Variants in CTNNA3 observed in about 807,000 individuals in gnomAD.
The protein encoded by CTNNA3 is catenin alpha-3.
In CTNNA3, 76 loss-of-function variants were observed where a neutral mutation model predicts 95.7. The observed-to-expected ratio is 0.79, with a 90% CI of 0.66 to 0.96. The LOEUF (loss-of-function observed/expected upper bound fraction) is 0.96. CTNNA3 is among the 40% of genes least tolerant of loss of function. The pLI is 0.00. For synonymous variants in CTNNA3, 431 were observed against 374.4 expected (o/e 1.15, Z -1.74); for missense variants, 1,191 against 1,089.8 (o/e 1.09, Z -1.31).
At chr10:66,951,757 T>A (rs1418890867) in intron 7 of CTNNA3, among the ~76,000 whole-genome samples, 2 of 152,166 alleles carry the variant, frequency 1.3e-5, no homozygotes, top group Admixed American at 6.6e-5. Context: ...TATTTTAGCA[T>A]GTGAAACATT....
intron 7 of CTNNA3, among the ~76,000 whole-genome samples, chr10:66,810,558 T>C (rs1395714533): frequency 6.6e-6 from 1 of 152,180 alleles, no homozygotes; most frequent in Non-Finnish European, 1.5e-5. Context: ...ACAGATTTCT[T>C]ATTGGGTTTG....
chr10:66,871,437 C>T (rs1214966151), intron 7 of CTNNA3, among the ~76,000 whole-genome samples: 1 of 151,820 alleles, frequency 6.6e-6, no homozygotes, highest in Non-Finnish European at 1.5e-5. Flanking sequence ...TGGTGGGTGC[C>T]TGTAATCCCA....
At chr10:67,526,206 A>C (rs571434053) in intron 4 of CTNNA3, among the ~76,000 whole-genome samples, 59 of 152,376 alleles carry the variant, frequency 3.9e-4, no homozygotes, top group Middle Eastern at 6.8e-3. Flanking sequence ...AGTATTACAG[A>C]GAAAGAAATT....
At chr10:67,182,948 T>C (rs999150800) in intron 6 of CTNNA3, among the ~76,000 whole-genome samples, 5 of 152,198 alleles carry the variant, frequency 3.3e-5, no homozygotes, top group African/African-American at 1.2e-4. Flanking sequence ...ATGCTCATCA[T>C]CACTGGCCAT....
intron 7 of CTNNA3, among the ~76,000 whole-genome samples, chr10:66,977,434 C>A (rs1423260759): frequency 1.3e-4 from 19 of 145,124 alleles, no homozygotes; most frequent in Non-Finnish European, 1.5e-4. Context: ...AACTCTGTCT[C>A]AAAAAAAAAA....
chr10:66,997,317 C>T (rs962919224), intron 7 of CTNNA3, among the ~76,000 whole-genome samples: 4 of 152,126 alleles, frequency 2.6e-5, no homozygotes, highest in Non-Finnish European at 5.9e-5. Flanking sequence ...ACAATCTGAG[C>T]AGGAAATACT....
In CTNNA3 at chr10:66,986,072, A is replaced by G. The variant is rs574862435; in HGVS notation, c.1047+194245T>C. On this transcript the variant is annotated intron_variant, in intron 7 of 17. Coordinates refer to ENST00000433211, the MANE Select transcript of CTNNA3 (RefSeq NM_013266.4). ...TTTGCATTGTACTTACAATTTTGATATTTTCTTTTTAGTTTGTGCATCTGT... is the reference window on the plus strand; with the variant it reads ...TTTGCATTGTACTTACAATTTTGATGTTTTCTTTTTAGTTTGTGCATCTGT... 1.8e-3 allele frequency among the ~76,000 whole-genome samples: 268 copies of G among 152,006 alleles called. 1 individual carries two copies. Among genetic ancestry groups the G allele is most frequent in the Non-Finnish European group, 2.1e-3 (146 of 67,972 alleles).
chr10:66,413,995 T>G (rs1323414510), intron 11 of CTNNA3, among the ~76,000 whole-genome samples: 1 of 152,240 alleles, frequency 6.6e-6, no homozygotes, highest in Admixed American at 6.5e-5. Context: ...CTACTTGATA[T>G]AATCAGTCCA....
At chr10:66,896,148 A>T (rs1475033764) in intron 7 of CTNNA3, among the ~76,000 whole-genome samples, 1 of 152,134 alleles carries the variant, frequency 6.6e-6, no homozygotes, top group African/African-American at 2.4e-5. Flanking sequence ...AACAATGCAT[A>T]CAATAGGAAC....
intron 9 of CTNNA3, among the ~76,000 whole-genome samples, chr10:66,738,880 G>A (rs1449492209): frequency 1.3e-5 from 2 of 152,110 alleles, no homozygotes; most frequent in South Asian, 2.1e-4. Context: ...GTATTTTACA[G>A]TTCTACTTAT....
At chr10:65,969,268 G>T (rs150729155) in intron 16 of CTNNA3, among the ~76,000 whole-genome samples, 1 of 152,188 alleles carries the variant, frequency 6.6e-6, no homozygotes, top group East Asian at 1.9e-4. Flanking sequence ...TATAGGGAAA[G>T]AAAAGAAAAA....
intron 5 of CTNNA3, among the ~76,000 whole-genome samples, chr10:67,338,005 G>A (rs1165093694): frequency 6.6e-6 from 1 of 152,100 alleles, no homozygotes; most frequent in Non-Finnish European, 1.5e-5. Flanking sequence ...TCCAAGGTAT[G>A]CCTCTATATA....
intron 5 of CTNNA3, among the ~76,000 whole-genome samples, chr10:67,309,001 G>A (rs1018280626): frequency 4.6e-5 from 7 of 152,070 alleles, no homozygotes; most frequent in Admixed American, 4.6e-4. Context: ...TTTGAAAGGT[G>A]CTCATATAAT....
intron 9 of CTNNA3, among the ~76,000 whole-genome samples, chr10:66,650,814 G>A (rs1223903047): frequency 3.3e-5 from 5 of 152,136 alleles, no homozygotes; most frequent in Non-Finnish European, 5.9e-5. Context: ...CAGGAGTGAA[G>A]CTGCAGACCT....
At chr10:67,623,267 A>C (rs1468933388) in intron 2 of CTNNA3, among the ~76,000 whole-genome samples, 1 of 152,244 alleles carries the variant, frequency 6.6e-6, no homozygotes, top group African/African-American at 2.4e-5. Flanking sequence ...ATCTTCTAGA[A>C]GGCTAAGAAG....
At chr10:67,705,793 A>AG (rs963014716) in intron 1 of CTNNA3, among the ~76,000 whole-genome samples, 2 of 151,812 alleles carry the variant, frequency 1.3e-5, no homozygotes, top group East Asian at 1.9e-4. Context: ...ATAAAAAAAA[A>AG]AAAGAAAGAA....
intron 7 of CTNNA3, among the ~76,000 whole-genome samples, chr10:67,121,821 T>C (rs1380956980): frequency 6.6e-6 from 1 of 151,888 alleles, no homozygotes; most frequent in Non-Finnish European, 1.5e-5. Context: ...CAACTACCAC[T>C]GATCTCCAGA....
chr10:66,993,434 G>A (rs1483535103), intron 7 of CTNNA3, among the ~76,000 whole-genome samples: 2 of 152,126 alleles, frequency 1.3e-5, no homozygotes, highest in Non-Finnish European at 2.9e-5. Flanking sequence ...AAGTACCTGG[G>A]AAGGAAAATA....
intron 17 of CTNNA3, among the ~76,000 whole-genome samples, chr10:65,956,982 G>A (rs978066057): frequency 2.0e-5 from 3 of 152,176 alleles, no homozygotes; most frequent in Non-Finnish European, 4.4e-5. Flanking sequence ...AATGTTGACA[G>A]TGGGGTGTTA....
Sources: gnomAD v4.1 joint callset for allele counts (sites outside exome capture counted in the v4.1 genomes callset) on GRCh38, gnomAD v4.1.1 for gene constraint, MANE v1.5 for transcripts, NCBI Gene and HGNC (gene_info 2026-07-23, HGNC 2026-07-21) for gene names.